The following CUX2 variants were observed in gnomAD, a reference collection of about 807,000 sequenced individuals.
The protein encoded by CUX2 is homeobox protein cut-like 2.
A neutral mutation model predicts 144.8 loss-of-function variants in CUX2; 40 were observed. The ratio of observed to expected loss-of-function variants is 0.28; its 90% CI spans 0.21 to 0.36. CUX2 has a LOEUF of 0.36. Among genes scored for constraint, CUX2 ranks in the 10% least tolerant of loss-of-function variants. The pLI, the probability that CUX2 is intolerant of heterozygous loss-of-function variation, is 1.00. For missense variants in CUX2, 1,615 were observed against 1,994.0 expected (o/e 0.81, Z 3.62); for synonymous variants, 827 against 875.6 (o/e 0.94, Z 0.98).
At chr12:111,257,008 G>T (rs1422260227) in intron 3 of CUX2, among the ~76,000 whole-genome samples, 1 of 152,148 alleles carries the variant, frequency 6.6e-6, no homozygotes, top group Admixed American at 6.5e-5. Flanking sequence ...TATGTGGCTA[G>T]AACAGGCTTG....
chr12:111,066,180 G>A (rs566782015), intron 1 of CUX2, among the ~76,000 whole-genome samples: 1 of 152,196 alleles, frequency 6.6e-6, no homozygotes, highest in East Asian at 1.9e-4. Context: ...CTTAATTATT[G>A]GTTCACATAC....
intron 18 of CUX2, among the ~76,000 whole-genome samples, chr12:111,331,627 G>A (rs935426969): frequency 1.3e-5 from 2 of 152,060 alleles, no homozygotes; most frequent in African/African-American, 4.8e-5. Flanking sequence ...GAGGTCTCTC[G>A]ATGGCCCCAA....
chr12:111,325,407 A>G (rs1887727754), intron 18 of CUX2, among the ~76,000 whole-genome samples: 1 of 152,168 alleles, frequency 6.6e-6, no homozygotes, highest in Non-Finnish European at 1.5e-5. Context: ...AGTCTCCACC[A>G]AAGGGACTGT....
chr12:111,064,512 A>G (rs1307859566), intron 1 of CUX2, among the ~76,000 whole-genome samples: 2 of 152,240 alleles, frequency 1.3e-5, no homozygotes, highest in Non-Finnish European at 2.9e-5. Flanking sequence ...GAGTCTGGCT[A>G]TCTCAGGGCT....
chr12:111,330,712 T>TATATATATATATATACATATAC (rs1888063980), intron 18 of CUX2, among the ~76,000 whole-genome samples: 2 of 27,254 alleles, frequency 7.3e-5, no homozygotes, highest in Admixed American at 2.9e-4. Context: ...TATATATATA[T>TATATATATATATATACATATAC]ATATATATAT....
intron 1 of CUX2, among the ~76,000 whole-genome samples, chr12:111,066,690 C>G (rs1450015877): frequency 6.6e-6 from 1 of 152,228 alleles, no homozygotes; most frequent in Non-Finnish European, 1.5e-5. Flanking sequence ...TCCCCTTGCT[C>G]TGCTCTAGGG....
chr12:111,145,896 G>A (rs186727966), intron 1 of CUX2, among the ~76,000 whole-genome samples: 6 of 151,608 alleles, frequency 4.0e-5, no homozygotes, highest in East Asian at 1.9e-4. Flanking sequence ...TAGTAGACGC[G>A]GGGTTTCACC....
intron 1 of CUX2, among the ~76,000 whole-genome samples, chr12:111,205,743 C>T (rs1318945078): frequency 6.6e-6 from 1 of 152,162 alleles, no homozygotes; most frequent in South Asian, 2.1e-4. Flanking sequence ...GTCACCTATC[C>T]AAGGTCACAA....
intron 21 of CUX2, among the ~76,000 whole-genome samples, chr12:111,342,828 G>A (rs114721443): frequency 0.018 from 2,668 of 151,670 alleles, 88 homozygotes; most frequent in African/African-American, 0.061. Context: ...ACGTGGTGGT[G>A]CATGCCTATA....
chr12:111,239,416 A>G (rs1420530140), intron 3 of CUX2, among the ~76,000 whole-genome samples: 1 of 152,168 alleles, frequency 6.6e-6, no homozygotes, highest in Non-Finnish European at 1.5e-5. Context: ...CAGAAACACA[A>G]TCTATCAATC....
intron 1 of CUX2, among the ~76,000 whole-genome samples, chr12:111,121,367 T>C (rs1325197221): frequency 1.6e-5 from 2 of 121,354 alleles, no homozygotes; most frequent in African/African-American, 7.6e-5. Context: ...CTTTTCTTTT[T>C]TCTTTTTTTT....
At chr12:111,140,486 C>T (rs1432180440) in intron 1 of CUX2, among the ~76,000 whole-genome samples, 4 of 152,152 alleles carry the variant, frequency 2.6e-5, no homozygotes, top group East Asian at 1.9e-4. Context: ...ATTATTTTCC[C>T]GGCCATGGTG....
At chr12:111,036,295 C>T (rs1295867754) in intron 1 of CUX2, among the ~76,000 whole-genome samples, 2 of 152,084 alleles carry the variant, frequency 1.3e-5, no homozygotes, top group African/African-American at 2.4e-5. Context: ...GTTTTCAATC[C>T]GGGGAGCTCG....
chr12:111,117,458 TA>T (rs1874376933), intron 1 of CUX2, among the ~76,000 whole-genome samples: 1 of 152,140 alleles, frequency 6.6e-6, no homozygotes, highest in South Asian at 2.1e-4. Flanking sequence ...ACACATCACT[TA>T]CTCATTGGCC....
At chr12:111,175,541 A>G (rs1226475808) in intron 1 of CUX2, among the ~76,000 whole-genome samples, 1 of 152,138 alleles carries the variant, frequency 6.6e-6, no homozygotes, top group African/African-American at 2.4e-5. Flanking sequence ...GGCCTCTCTA[A>G]GCTGTGTGCT....
At chr12:111,099,240 C>T (rs916507274) in intron 1 of CUX2, among the ~76,000 whole-genome samples, 2 of 152,342 alleles carry the variant, frequency 1.3e-5, no homozygotes, top group Non-Finnish European at 2.9e-5. Context: ...AGGAAACGGC[C>T]TGGCCAAAGG....
chr12:111,283,695 C>G (rs1034811685), intron 4 of CUX2, among the ~76,000 whole-genome samples: 1 of 152,164 alleles, frequency 6.6e-6, no homozygotes, highest in Non-Finnish European at 1.5e-5. Context: ...TTCCCTTTCT[C>G]TAAGCGTGTC....
At chr12:111,192,005 T>C (rs536703215) in intron 1 of CUX2, among the ~76,000 whole-genome samples, 2 of 152,212 alleles carry the variant, frequency 1.3e-5, no homozygotes, top group Non-Finnish European at 2.9e-5. Flanking sequence ...GGGGGCTTTT[T>C]ATTGAGCACC....
At chr12:111,313,241 T>TG (rs1448515314) in intron 16 of CUX2, among the ~76,000 whole-genome samples, 1 of 151,082 alleles carries the variant, frequency 6.6e-6, no homozygotes, top group South Asian at 2.1e-4. Context: ...TTTTTTTTTT[T>TG]TGTATTTTTA....
Sources: allele counts gnomAD v4.1 joint callset (sites outside exome capture counted in the v4.1 genomes callset), GRCh38; gene constraint gnomAD v4.1.1; transcripts MANE v1.5; gene names NCBI Gene and HGNC (gene_info 2026-07-23, HGNC 2026-07-21).